Variants in MGAT4C observed in about 807,000 individuals in gnomAD.
MGAT4C encodes MGAT4 family member C.
A neutral mutation model predicts 40.1 loss-of-function variants in MGAT4C; 19 were observed. That is an observed-to-expected ratio of 0.47 (90% confidence interval 0.33 to 0.70). The LOEUF (loss-of-function observed/expected upper bound fraction) is 0.70. Ranked by LOEUF, MGAT4C falls within the 30% of genes least tolerant of loss-of-function variation. The pLI is 0.02. For missense variants in MGAT4C, 491 were observed against 563.2 expected (o/e 0.87, Z 1.30); for synonymous variants, 181 against 187.1 (o/e 0.97, Z 0.27).
At chr12:86,602,043 G>A (rs1961803686) in intron 2 of MGAT4C, among the ~76,000 whole-genome samples, 1 of 152,176 alleles carries the variant, frequency 6.6e-6, no homozygotes, top group Non-Finnish European at 1.5e-5. Flanking sequence ...TAGCAGCCTC[G>A]CATGAAGCCG....
intron 1 of MGAT4C, among the ~76,000 whole-genome samples, chr12:86,832,353 C>T (rs1225155967): frequency 6.6e-6 from 1 of 151,728 alleles, no homozygotes; most frequent in Non-Finnish European, 1.5e-5. Context: ...AAATTAAGCA[C>T]AAAATTTTTG....
intron 1 of MGAT4C, among the ~76,000 whole-genome samples, chr12:86,824,533 T>G (rs1952765719): frequency 6.6e-6 from 1 of 151,156 alleles, no homozygotes; most frequent in Non-Finnish European, 1.5e-5. Flanking sequence ...AAGCATCTAC[T>G]GGGGGTCTTG....
Position 86,312,432 on chromosome 12 carries a change from C to T in MGAT4C, c.-57+21633G>A, listed in dbSNP as rs970771631. On this transcript the variant is annotated intron_variant, in intron 4 of 7. Transcript: ENST00000548651. ...CTTTAGTTTTCTCGCACATATAAGG[C>T]AGAGCTGTGATGTACTCAGACAGAT... Among the ~76,000 whole-genome samples, 15 of 152,182 alleles carry T rather than the reference C, an allele frequency of 9.9e-5. 1 individual carries two copies. Among genetic ancestry groups the T allele is most frequent in the African/African-American group, 3.6e-4 (15 of 41,442 alleles).
chr12:86,263,965 CTTCTT>C (rs1362231330), intron 4 of MGAT4C, among the ~76,000 whole-genome samples: 1 of 151,990 alleles, frequency 6.6e-6, no homozygotes. Flanking sequence ...ATTTGTATGT[CTTCTT>C]TTGAGAAGTG....
intron 1 of MGAT4C, among the ~76,000 whole-genome samples, chr12:86,798,514 T>A (rs1023324005): frequency 6.6e-6 from 1 of 152,020 alleles, no homozygotes; most frequent in African/African-American, 2.4e-5. Context: ...TTCACTTCTC[T>A]ATTTTATAAC....
chr12:86,579,950 C>T (rs1960713682), intron 2 of MGAT4C, among the ~76,000 whole-genome samples: 2 of 151,328 alleles, frequency 1.3e-5, no homozygotes, highest in South Asian at 4.2e-4. Flanking sequence ...TTTGTTTTCT[C>T]TTGCTGCTTT....
intron 2 of MGAT4C, among the ~76,000 whole-genome samples, chr12:86,644,865 CAA>C (rs1455589058): frequency 2.0e-5 from 3 of 151,644 alleles, no homozygotes; most frequent in African/African-American, 7.2e-5. Flanking sequence ...TTTAGGAAGA[CAA>C]GAGCATTTAT....
At chr12:86,501,152 C>G (rs537494768) in intron 2 of MGAT4C, among the ~76,000 whole-genome samples, 2 of 151,908 alleles carry the variant, frequency 1.3e-5, no homozygotes, top group African/African-American at 4.8e-5. Context: ...AGAATAAATT[C>G]TGAACTCTAC....
intron 2 of MGAT4C, among the ~76,000 whole-genome samples, chr12:86,437,606 T>A (rs1282946877): frequency 6.6e-6 from 1 of 151,950 alleles, no homozygotes; most frequent in African/African-American, 2.4e-5. Context: ...TTTGTAGATA[T>A]TGCAGTTTTA....
rs147188864 is a variant in MGAT4C, at chr12:86,374,498, C to T, written c.-119-40371G>A. Among the ~76,000 whole-genome samples the T allele has an allele frequency of 6.3e-3, 952 of 152,140 alleles. 6 individuals are homozygous for T. Among genetic ancestry groups the T allele is most frequent in the Non-Finnish European group, 8.8e-3 (601 of 67,936 alleles). ...TGATGAGTTTTCACGGTTATACCAA[C>T]AACAATTTATTAAATACTTACTATG... On this transcript the variant is annotated intron_variant, in intron 3 of 7. Coordinates refer to the MGAT4C transcript ENST00000548651.
intron 2 of MGAT4C, among the ~76,000 whole-genome samples, chr12:86,691,742 C>G (rs186128123): frequency 2.4e-3 from 358 of 152,036 alleles, no homozygotes; most frequent in Non-Finnish European, 3.9e-3. Context: ...AGACATACAA[C>G]GTATCCAAAC....
chr12:86,705,163 T>C (rs1950431468), intron 2 of MGAT4C, among the ~76,000 whole-genome samples: 1 of 152,102 alleles, frequency 6.6e-6, no homozygotes, highest in Admixed American at 6.6e-5. Flanking sequence ...ACAGACACTT[T>C]GGTCTTCCAA....
intron 2 of MGAT4C, among the ~76,000 whole-genome samples, chr12:86,557,165 A>G (rs1022706756): frequency 2.0e-5 from 3 of 152,208 alleles, no homozygotes; most frequent in Non-Finnish European, 2.9e-5. Flanking sequence ...TCAGTAAATT[A>G]TTTCATGTTA....
intron 1 of MGAT4C, among the ~76,000 whole-genome samples, chr12:86,767,603 T>C (rs1951537854): frequency 6.6e-6 from 1 of 152,138 alleles, no homozygotes; most frequent in Non-Finnish European, 1.5e-5. Flanking sequence ...TGAACACTGA[T>C]GCAAAAATCC....
At chr12:86,434,269 A>G (rs1592843373) in intron 3 of MGAT4C, among the ~76,000 whole-genome samples, 1 of 152,112 alleles carries the variant, frequency 6.6e-6, no homozygotes, top group East Asian at 1.9e-4. Flanking sequence ...TTTCTGAACT[A>G]AAGTTTACCA....
chr12:86,073,957 G>T (rs1869123798), intron 1 of MGAT4C, among the ~76,000 whole-genome samples: 2 of 152,078 alleles, frequency 1.3e-5, no homozygotes, highest in South Asian at 4.1e-4. Context: ...ATATGGTTTG[G>T]CTATGTCCTC....
intron 2 of MGAT4C, among the ~76,000 whole-genome samples, chr12:86,524,456 C>T (rs959432602): frequency 6.6e-6 from 1 of 152,012 alleles, no homozygotes; most frequent in South Asian, 2.1e-4. Flanking sequence ...GATGAGCTTC[C>T]CTTTCTAGGT....
At chr12:86,755,061 T>G (rs1951279590) in intron 1 of MGAT4C, among the ~76,000 whole-genome samples, 1 of 152,174 alleles carries the variant, frequency 6.6e-6, no homozygotes, top group African/African-American at 2.4e-5. Context: ...TATGTTGCTG[T>G]GAAGGCATTG....
chr12:86,322,663 A>G lies in MGAT4C; in HGVS notation c.-57+11402T>C, dbSNP rs577749582. 5.9e-5 allele frequency among the ~76,000 whole-genome samples: 9 copies of G among 152,140 alleles called. 1 individual carries two copies. The South Asian group carries it at 1.7e-3, about 28-fold the overall frequency. On this transcript the variant is annotated intron_variant, in intron 4 of 7. Coordinates refer to the MGAT4C transcript ENST00000548651. Reference sequence around the variant, plus strand: ...GCTCTTACTTTGTTATAATTCATTGAAAATGGTCAACGGGAAGGGCAATTT... The same window carrying G: ...GCTCTTACTTTGTTATAATTCATTGGAAATGGTCAACGGGAAGGGCAATTT...
Sources: gnomAD v4.1 joint callset for allele counts (sites outside exome capture counted in the v4.1 genomes callset) on GRCh38, gnomAD v4.1.1 for gene constraint, MANE v1.5 for transcripts, NCBI Gene and HGNC (gene_info 2026-07-23, HGNC 2026-07-21) for gene names.